RAB6A: variants seen among roughly 807,000 people sequenced by gnomAD.
RAB6A encodes ras-related protein Rab-6A.
RAB6A carries 8 observed loss-of-function variants against 32.3 expected under a neutral mutation model. The observed-to-expected ratio is 0.25, with a 90% CI of 0.15 to 0.45. The LOEUF is 0.45. Ranked by LOEUF, RAB6A falls within the 20% of genes least tolerant of loss-of-function variation. The probability of loss-of-function intolerance (pLI) is 1.00; values close to 1 mark genes in which losing one functional copy is unlikely to be tolerated. For missense variants in RAB6A, 104 were observed against 249.4 expected, an observed-to-expected ratio of 0.42 and a Z score of 3.93; for synonymous variants, 73 against 82.1, an observed-to-expected ratio of 0.89 and a Z score of 0.60.
rs1555054176 is a variant in RAB6A, at chr11:73,685,588, G to GAAAGTCTTTTTTTTTTTTTTTTTTTT, written c.496-5869_496-5868insAAAAAAAAAAAAAAAAAAAAGACTTT. Among the ~76,000 whole-genome samples the GAAAGTCTTTTTTTTTTTTTTTTTTTT allele has an allele frequency of 2.7e-3, 243 of 89,562 alleles. 36 individuals are homozygous for GAAAGTCTTTTTTTTTTTTTTTTTTTT. The highest frequency in any genetic ancestry group is 9.1e-3 in the African/African-American group (192 of 21,146). The allele number at this position is 89,562 out of a possible 152,430, so 58.8% of individuals were successfully genotyped here. A position where few individuals can be genotyped will look rare whatever the true frequency, so the allele number is the denominator to read the frequency against. On this transcript the variant is annotated intron_variant, in intron 6 of 7. Coordinates refer to ENST00000336083, the MANE Select transcript of RAB6A (RefSeq NM_198896.2). ...AAGTGTGAGCCACCACGCCCGGACTGAAAGTAGCGACCAGGTGCGGTGCCT... is the reference window on the plus strand; with the variant it reads ...AAGTGTGAGCCACCACGCCCGGACTGAAAGTCTTTTTTTTTTTTTTTTTTTTAAAGTAGCGACCAGGTGCGGTGCCT...
intron 1 of RAB6A, among the ~76,000 whole-genome samples, chr11:73,744,961 G>A (rs1038855091): frequency 6.1e-5 from 9 of 148,142 alleles, no homozygotes; most frequent in East Asian, 1.9e-4. Flanking sequence ...GTGACAGAGC[G>A]AGAATCCATC....
At chr11:73,731,715 T>C (rs1386455231) in intron 1 of RAB6A, among the ~76,000 whole-genome samples, 14 of 19,308 alleles carry the variant, frequency 7.3e-4, no homozygotes, top group South Asian at 5.6e-3. Context: ...TATATATATA[T>C]ATATATATAT....
chr11:73,750,175 T>C (rs1280493221), intron 1 of RAB6A, among the ~76,000 whole-genome samples: 1 of 152,156 alleles, frequency 6.6e-6, no homozygotes, highest in African/African-American at 2.4e-5. Context: ...TTTGTCAGGA[T>C]GTTTTGGCAA....
At chr11:73,705,701 G>C (rs1945827600) in intron 6 of RAB6A, among the ~76,000 whole-genome samples, 1 of 151,290 alleles carries the variant, frequency 6.6e-6, no homozygotes, top group Non-Finnish European at 1.5e-5. Context: ...GCTCCTATGG[G>C]TTCAGTTACG....
At chr11:73,707,257 T>C (rs1293198792) in intron 6 of RAB6A, among the ~76,000 whole-genome samples, 163 bp downstream of exon 6, 1 of 152,216 alleles carries the variant, frequency 6.6e-6, no homozygotes, top group Non-Finnish European at 1.5e-5. Flanking sequence ...TTTTCTCTTT[T>C]TCCAAAAACT....
At chr11:73,753,391 T>A (rs1946697124) in intron 1 of RAB6A, among the ~76,000 whole-genome samples, 1 of 151,482 alleles carries the variant, frequency 6.6e-6, no homozygotes, top group African/African-American at 2.4e-5. Context: ...GAGACAGGGT[T>A]TCACCATGTT....
intron 6 of RAB6A, among the ~76,000 whole-genome samples, chr11:73,705,367 G>C (rs1945821602): frequency 6.6e-6 from 1 of 152,120 alleles, no homozygotes; most frequent in African/African-American, 2.4e-5. Flanking sequence ...GGCCAACAAG[G>C]TGAAACCCTG....
intron 6 of RAB6A, among the ~76,000 whole-genome samples, chr11:73,704,512 G>A (rs761458935): frequency 2.8e-5 from 4 of 142,350 alleles, no homozygotes; most frequent in African/African-American, 1.0e-4. Context: ...GTGAAACTCC[G>A]TCTCTACTAA....
At position 73,689,127 on chromosome 11, in the gene RAB6A, A is replaced by G. The variant is rs536416868; in HGVS notation, c.496-9407T>C. 6.2e-4 allele frequency among the ~76,000 whole-genome samples: 94 copies of G among 151,928 alleles called. 1 individual carries two copies. Among genetic ancestry groups the G allele is most frequent in the African/African-American group, 2.2e-3 (93 of 41,420 alleles). ...ACAGAGGGAGACCCTGTCTCAAGAAAAAAAAAAAAATTGCTTCTAAGGGCA... is the reference window on the plus strand; with the variant it reads ...ACAGAGGGAGACCCTGTCTCAAGAAGAAAAAAAAAATTGCTTCTAAGGGCA... On this transcript the variant is annotated intron_variant, in intron 6 of 7. Transcript: ENST00000336083.
At chr11:73,690,572 A>G (rs1404611087) in intron 6 of RAB6A, among the ~76,000 whole-genome samples, 1 of 149,544 alleles carries the variant, frequency 6.7e-6, no homozygotes, top group Non-Finnish European at 1.5e-5. Context: ...TTTTTTTAAC[A>G]TTTTCAAATA....
Position 73,690,905 on chromosome 11 carries a change from A to AC in RAB6A, c.496-11186dup, listed in dbSNP as rs397721380. Among the ~76,000 whole-genome samples, 21 of 145,672 alleles carry AC rather than the reference A, an allele frequency of 1.4e-4. 1 individual carries two copies. In the South Asian group the frequency reaches 3.5e-3, roughly 24 times the overall value. ...TATTAGGAAACATTAAAAAAAAAAAACCCAAAACACGAACAGCCGCATCTC... is the reference window on the plus strand; with the variant it reads ...TATTAGGAAACATTAAAAAAAAAAAACCCCAAAACACGAACAGCCGCATCTC... On this transcript the variant is annotated intron_variant, in intron 6 of 7. Transcript: ENST00000336083.
intron 1 of RAB6A, among the ~76,000 whole-genome samples, chr11:73,741,062 A>G (rs552351966): frequency 3.3e-5 from 5 of 152,314 alleles, no homozygotes; most frequent in Admixed American, 2.0e-4. Flanking sequence ...GATCTACAGT[A>G]TGAGTTTCCA....
chr11:73,750,816 T>C (rs185068429), intron 1 of RAB6A, among the ~76,000 whole-genome samples: 9 of 152,284 alleles, frequency 5.9e-5, no homozygotes, highest in East Asian at 5.8e-4. Context: ...TTTAATTTTA[T>C]AGAATGTACT....
intron 6 of RAB6A, among the ~76,000 whole-genome samples, chr11:73,691,980 A>G (rs1236834222): frequency 6.6e-6 from 1 of 152,046 alleles, no homozygotes; most frequent in East Asian, 1.9e-4. Context: ...GTCTCCAAAA[A>G]AAAAAGAAAG....
At chr11:73,731,341 G>A (rs962767897) in intron 1 of RAB6A, among the ~76,000 whole-genome samples, 4 of 151,860 alleles carry the variant, frequency 2.6e-5, no homozygotes, top group Non-Finnish European at 5.9e-5. Context: ...TCAAGAGATC[G>A]AGACCATCCT....
intron 1 of RAB6A, among the ~76,000 whole-genome samples, chr11:73,755,439 A>T (rs1565382698): frequency 6.6e-6 from 1 of 151,656 alleles, no homozygotes; most frequent in Non-Finnish European, 1.5e-5. Flanking sequence ...GACTACAGGC[A>T]CGCACCACCA....
intron 1 of RAB6A, among the ~76,000 whole-genome samples, chr11:73,751,778 A>G (rs954137860): frequency 1.3e-5 from 2 of 152,180 alleles, no homozygotes; most frequent in East Asian, 1.9e-4. Flanking sequence ...CACCTCCAAG[A>G]ACACTGACAA....
At chr11:73,682,317 A>AGAGT (rs772391258) in intron 6 of RAB6A, among the ~76,000 whole-genome samples, 1 of 152,182 alleles carries the variant, frequency 6.6e-6, no homozygotes, top group African/African-American at 2.4e-5. Context: ...AAACATTCTA[A>AGAGT]GAGTGAATGC....
intron 6 of RAB6A, among the ~76,000 whole-genome samples, chr11:73,685,038 A>G (rs962519851): frequency 1.3e-5 from 2 of 152,238 alleles, no homozygotes; most frequent in Non-Finnish European, 2.9e-5. Context: ...AAAGGTATTA[A>G]GCAGAATGGC....
Sources: allele counts gnomAD v4.1 joint callset (sites outside exome capture counted in the v4.1 genomes callset), GRCh38; gene constraint gnomAD v4.1.1; transcripts MANE v1.5; gene names NCBI Gene and HGNC (gene_info 2026-07-23, HGNC 2026-07-21).